TNRC18: variants seen among roughly 807,000 people sequenced by gnomAD.
The protein encoded by TNRC18 is trinucleotide repeat-containing gene 18 protein.
TNRC18 carries 69 observed loss-of-function variants against 226.7 expected under a neutral mutation model. That is an observed-to-expected ratio of 0.30 (90% CI 0.25 to 0.37). The LOEUF is 0.37. Among genes scored for constraint, TNRC18 ranks in the 10% least tolerant of loss-of-function variants. The pLI, the probability that TNRC18 is intolerant of heterozygous loss-of-function variation, is 1.00. For missense variants in TNRC18, 4,754 were observed against 4,256.6 expected (o/e 1.12, Z -3.25); for synonymous variants, 2,449 against 1,927.6 (o/e 1.27, Z -7.09).
chr7:5,335,297 G>A lies in TNRC18; in HGVS notation c.5720-2248C>T, dbSNP rs1448958921. Among the ~76,000 whole-genome samples, 5 of 19,978 alleles carry A rather than the reference G, an allele frequency of 2.5e-4. No individual in the cohort carries two copies. In the East Asian group the frequency reaches 0.013, roughly 51 times the overall value. The allele number at this position is 19,978 out of a possible 152,430, so 13.1% of individuals were successfully genotyped here. A position where few individuals can be genotyped will look rare whatever the true frequency, so the allele number is the denominator to read the frequency against. On this transcript the variant is annotated intron_variant, in intron 18 of 29. Transcript: ENST00000430969. ...AGCCTGGGCCACAGAGTGAGAATCT[G>A]TCTCAAAAAAAAAAAAAAAAAAAAA...
At chr7:5,348,051 CCCTG>C (rs1284552608) in intron 17 of TNRC18, among the ~76,000 whole-genome samples, 1 of 152,254 alleles carries the variant, frequency 6.6e-6, no homozygotes, top group Non-Finnish European at 1.5e-5. Flanking sequence ...CAGTGACCTT[CCCTG>C]CCTGCCTGAG....
chr7:5,421,204 G>C lies in TNRC18; in HGVS notation c.43C>G (p.Pro15Ala). Residue 15 changes from proline (P) to alanine (A), a missense_variant, in exon 2 of 30, where the codon CCC becomes GCC. Coordinates refer to ENST00000430969, the MANE Select transcript of TNRC18 (RefSeq NM_001080495.3). ...DFGPQRSVHG[P>A]PPPLLSGLAM... is the part of the protein sequence containing the mutation. ...AGGCCGGACAGCAGCGGCGGCGGGG[G>C]ACCGTGCACGGACCGCTGGGGCCCG... The C allele has an allele frequency of 1.5e-6, 2 of 1,365,706 alleles. No homozygotes were observed. Among genetic ancestry groups the C allele is most frequent in the Non-Finnish European group, 1.9e-6 (2 of 1,056,836 alleles). 84.6% of individuals were successfully genotyped at this position (1,365,706 alleles called of 1,614,324 possible). A position where few individuals can be genotyped will look rare whatever the true frequency, so the allele number is the denominator to read the frequency against.
chr7:5,353,831 A>C (rs114693490), intron 16 of TNRC18, among the ~76,000 whole-genome samples: 5,490 of 152,226 alleles, frequency 0.036, 319 homozygotes, highest in African/African-American at 0.12. Context: ...TGAATTCCTC[A>C]CTGCTCCATG....
rs1453789720 is a variant in TNRC18, at chr7:5,306,837, C to G, written c.*1269G>C. 2 of 151,104 alleles carry G rather than the reference C, an allele frequency of 1.3e-5. No individual in the cohort carries two copies. The highest frequency in any genetic ancestry group is 2.9e-5 in the Non-Finnish European group (2 of 67,854). 9.4% of individuals were successfully genotyped at this position (151,104 alleles called of 1,614,324 possible). ...TTTCTTTTTTTTTATGAAAAAAGAT[C>G]ACACAGAATTTGCCAACAAACAAAA... On this transcript the variant is annotated 3_prime_UTR_variant, in exon 30 of 30. Transcript: ENST00000430969.
chr7:5,376,754 G>A (rs936018194), intron 8 of TNRC18, 93 bp downstream of exon 8: 43 of 1,476,476 alleles, frequency 2.9e-5, no homozygotes, highest in Admixed American at 1.9e-4. Flanking sequence ...TCTGCCGGCC[G>A]CCACCCCTCA....
chr7:5,332,190 A>G (rs1327247636), intron 19 of TNRC18, among the ~76,000 whole-genome samples: 1 of 152,080 alleles, frequency 6.6e-6, no homozygotes, highest in African/African-American at 2.4e-5. Context: ...TAATCTCAGC[A>G]TTTTGGGAGG....
At chr7:5,390,374 A>C in intron 4 of TNRC18, 111 bp downstream of exon 4, 1 of 1,222,242 alleles carries the variant, frequency 8.2e-7, no homozygotes, top group Non-Finnish European at 1.1e-6. Flanking sequence ...AAAAAAAAAA[A>C]AAAAAGCCAG....
chr7:5,363,017 G>A (rs1448225186), intron 11 of TNRC18, among the ~76,000 whole-genome samples, 192 bp from the exon 12 acceptor site: 3 of 152,264 alleles, frequency 2.0e-5, no homozygotes, highest in Non-Finnish European at 4.4e-5. Context: ...GAGAAGGCCA[G>A]GCATGGTGGC....
In TNRC18 at chr7:5,421,044, G is replaced by A. The variant is rs1482237458; in HGVS notation, c.187+16C>T. ...TGGGAAGACAGGAGGGGACGGGCACGGCGCGGGGCACTTACCCGGGTGCGG... is the reference window on the plus strand; with the variant it reads ...TGGGAAGACAGGAGGGGACGGGCACAGCGCGGGGCACTTACCCGGGTGCGG... On this transcript the variant is annotated intron_variant, in intron 2 of 29. Transcript: ENST00000430969. 3 of 1,527,822 alleles carry A rather than the reference G, an allele frequency of 2.0e-6. No individual in the cohort carries two copies. Among genetic ancestry groups the A allele is most frequent in the Non-Finnish European group, 2.7e-6 (3 of 1,128,964 alleles). 94.6% of individuals were successfully genotyped at this position (1,527,822 alleles called of 1,614,324 possible).
intron 25 of TNRC18, among the ~76,000 whole-genome samples, chr7:5,315,536 G>T (rs553948053): frequency 1.7e-4 from 26 of 151,904 alleles, no homozygotes; most frequent in Admixed American, 1.7e-3. Context: ...GGATTCTCCT[G>T]CCTCAGCCTC....
chr7:5,371,438 C>G (rs1378163269), intron 10 of TNRC18, 74 bp from the exon 11 acceptor site: 2 of 1,428,224 alleles, frequency 1.4e-6, no homozygotes, highest in Non-Finnish European at 1.8e-6. Context: ...ACCCGCCCAC[C>G]ACCCCAGACA....
chr7:5,325,272 G>C (rs374098510), intron 19 of TNRC18, 24 bp from the exon 20 acceptor site: 20 of 1,544,474 alleles, frequency 1.3e-5, no homozygotes, highest in Admixed American at 2.0e-5. Context: ...CAGCAGAGAG[G>C]AGCCATCAAA....
At chr7:5,338,504 G>C (rs2128132941) in intron 18 of TNRC18, among the ~76,000 whole-genome samples, 1 of 151,996 alleles carries the variant, frequency 6.6e-6, no homozygotes, top group African/African-American at 2.4e-5. Flanking sequence ...CCAGCACTTT[G>C]GGAGGCCAAA....
At chr7:5,360,187 G>A (rs905551872) in intron 14 of TNRC18, among the ~76,000 whole-genome samples, 1 of 151,864 alleles carries the variant, frequency 6.6e-6, no homozygotes. Flanking sequence ...GGCCACAAAC[G>A]TTTGCTGCTG....
At chr7:5,319,731 A>C (rs1034446888) in intron 24 of TNRC18, among the ~76,000 whole-genome samples, 4 of 151,802 alleles carry the variant, frequency 2.6e-5, no homozygotes, top group Non-Finnish European at 5.9e-5. Flanking sequence ...CTGGTCTTGA[A>C]CTCCTGACCT....
rs367994933 is a variant in TNRC18, at chr7:5,357,102, C to T, written c.5008G>A (p.Asp1670Asn). The change falls in exon 16 of 30, where the codon GAC (aspartate) becomes AAC (asparagine). Residue 1670 changes from aspartate (D) to asparagine (N), a missense_variant. Physicochemically the swap from Asp to Asn is conservative, Grantham distance 23. Coordinates refer to ENST00000430969, the MANE Select transcript of TNRC18 (RefSeq NM_001080495.3). The part of the protein sequence containing the change: ...GGCGRYLTPY[D>N]SLLGKNRKAL... ...TTCCTGTTCTTCCCCAGCAGGCTGTCGTAAGGAGTCAAGTACCTGCCGCAG... is the reference window on the plus strand; with the variant it reads ...TTCCTGTTCTTCCCCAGCAGGCTGTTGTAAGGAGTCAAGTACCTGCCGCAG... The T allele has an allele frequency of 5.2e-6, 8 of 1,552,250 alleles. No homozygotes were observed. Among genetic ancestry groups the T allele is most frequent in the Admixed American group, 2.0e-5 (1 of 50,972 alleles).
chr7:5,348,201 G>A (rs958901272), intron 17 of TNRC18, among the ~76,000 whole-genome samples: 14 of 152,278 alleles, frequency 9.2e-5, no homozygotes, highest in African/African-American at 2.2e-4. Context: ...TTCCAAGGAC[G>A]GGCAGGTGGA....
At chr7:5,375,662 G>T (rs992037200) in intron 9 of TNRC18, among the ~76,000 whole-genome samples, 1 of 152,116 alleles carries the variant, frequency 6.6e-6, no homozygotes, top group African/African-American at 2.4e-5. Flanking sequence ...TCTCCGAGAG[G>T]CCACCTGGAG....
At position 5,374,429 on chromosome 7, in the gene TNRC18, T is replaced by G; in HGVS notation, c.2855A>C (p.Lys952Thr). 1 of 1,544,416 alleles carries G rather than the reference T, an allele frequency of 6.5e-7. No homozygotes were observed. Among genetic ancestry groups the G allele is most frequent in the Non-Finnish European group, 8.7e-7 (1 of 1,144,626 alleles). The stretch of plus-strand genomic sequence containing the variant: ...CTTGCCCGCAGCCTCCAGGCCCCGC[T>G]TGCTCCCCTTCTCTTCCATCTCCGC... ...HRAEMEEKGSKRGLEAAGKAG... is the reference protein window; with the variant it reads ...HRAEMEEKGSTRGLEAAGKAG... The change falls in exon 10 of 30, where the codon AAG (lysine) becomes ACG (threonine). Residue 952 changes from lysine to threonine, a missense_variant. Coordinates refer to ENST00000430969, the MANE Select transcript of TNRC18 (RefSeq NM_001080495.3).
Sources: gnomAD v4.1 joint callset for allele counts (sites outside exome capture counted in the v4.1 genomes callset) on GRCh38, gnomAD v4.1.1 for gene constraint, MANE v1.5 for transcripts, NCBI Gene and HGNC (gene_info 2026-07-23, HGNC 2026-07-21) for gene names.